Variants in SORCS1 observed in about 807,000 individuals in gnomAD.
SORCS1 encodes sortilin related VPS10 domain containing receptor 1, also known as VPS10 domain-containing receptor SorCS1.
SORCS1 carries 60 observed loss-of-function variants against 146.1 expected under a neutral mutation model. That is an observed-to-expected ratio of 0.41 (90% CI 0.33 to 0.51). The LOEUF is 0.51. Ranked by LOEUF, SORCS1 falls within the 20% of genes least tolerant of loss-of-function variation. The probability of loss-of-function intolerance (pLI) is 0.21; values close to 1 mark genes in which losing one functional copy is unlikely to be tolerated. For missense variants in SORCS1, 1,352 were observed against 1,487.6 expected (o/e 0.91, Z 1.50); for synonymous variants, 637 against 584.0 (o/e 1.09, Z -1.31).
rs191100821 is a variant in SORCS1 at position 106,576,010 on chromosome 10, G to C, written c.*1410C>G. On this transcript the variant is annotated 3_prime_UTR_variant, in exon 26 of 26. Coordinates refer to ENST00000263054, the MANE Select transcript of SORCS1 (RefSeq NM_052918.5). ...TCGCACGAGATTTTCGTTAAGGTGT[G>C]AGAACACCACAATTCATCTCTATGC... 1 of 152,496 alleles carries C rather than the reference G, an allele frequency of 6.6e-6. No individual in the cohort carries two copies. Among genetic ancestry groups the C allele is most frequent in the Non-Finnish European group, 1.5e-5 (1 of 68,046 alleles). The allele number at this position is 152,496 out of a possible 1,614,324, so 9.4% of individuals were successfully genotyped here. A position where few individuals can be genotyped will look rare whatever the true frequency, so the allele number is the denominator to read the frequency against.
rs368775947 is a variant in SORCS1, at chr10:106,748,080, T to C, written c.959+13508A>G. ...ATCTTGTACATCAGTAGGTATCTTA[T>C]GATTGTTCAAATGTTATACAGGCAT... On this transcript the variant is annotated intron_variant, in intron 5 of 25. Coordinates refer to ENST00000263054, the MANE Select transcript of SORCS1 (RefSeq NM_052918.5). Among the ~76,000 whole-genome samples the C allele has an allele frequency of 4.3e-3, 651 of 152,360 alleles. 6 individuals are homozygous for C. The highest frequency in any genetic ancestry group is 0.015 in the African/African-American group (616 of 41,578).
chr10:107,100,489 G>A (rs1378460320), intron 1 of SORCS1, among the ~76,000 whole-genome samples: 1 of 151,414 alleles, frequency 6.6e-6, no homozygotes. Context: ...ACTCCAGCCT[G>A]GGCAACAGAG....
intron 2 of SORCS1, among the ~76,000 whole-genome samples, chr10:106,904,502 G>A (rs993900085): frequency 1.3e-5 from 2 of 152,180 alleles, no homozygotes; most frequent in Non-Finnish European, 2.9e-5. Flanking sequence ...GGTGTGTGAG[G>A]ATTGTAGAGG....
intron 22 of SORCS1, among the ~76,000 whole-genome samples, chr10:106,609,556 A>G (rs898273165): frequency 4.6e-5 from 7 of 152,190 alleles, no homozygotes; most frequent in Admixed American, 2.0e-4. Flanking sequence ...GTCAGTGCAA[A>G]TTGCTAGGAA....
chr10:106,895,340 G>A (rs1394181042), intron 2 of SORCS1, among the ~76,000 whole-genome samples: 2 of 152,180 alleles, frequency 1.3e-5, no homozygotes, highest in Non-Finnish European at 2.9e-5. Flanking sequence ...ACCAGGTGTG[G>A]TGACTCATGC....
intron 3 of SORCS1, among the ~76,000 whole-genome samples, chr10:106,786,819 TC>T (rs1484189189): frequency 6.6e-6 from 1 of 152,206 alleles, no homozygotes; most frequent in Non-Finnish European, 1.5e-5. Flanking sequence ...TAAAATGTCC[TC>T]ATAATCATAG....
At chr10:106,643,553 T>C (rs759736927) in intron 18 of SORCS1, among the ~76,000 whole-genome samples, 6 of 152,268 alleles carry the variant, frequency 3.9e-5, no homozygotes, top group Non-Finnish European at 8.8e-5. Flanking sequence ...CTTGGTGCTC[T>C]GCACCAGGAG....
At chr10:106,679,383 AATGGACT>A (rs767676581) in intron 11 of SORCS1, 51 bp from the exon 12 acceptor site, 11 of 1,435,516 alleles carry the variant, frequency 7.7e-6, no homozygotes, top group Non-Finnish European at 1.1e-5. Context: ...CAAAAGCAAC[AATGGACT>A]ATATTGGCAG....
At chr10:106,946,176 C>A (rs895061377) in intron 2 of SORCS1, among the ~76,000 whole-genome samples, 25 of 151,560 alleles carry the variant, frequency 1.6e-4, no homozygotes, top group Non-Finnish European at 2.9e-5. Context: ...ATAGGCCTGG[C>A]TTTCAGTGAC....
At chr10:106,641,728 A>T (rs1207220241) in intron 18 of SORCS1, among the ~76,000 whole-genome samples, 1 of 152,176 alleles carries the variant, frequency 6.6e-6, no homozygotes, top group Non-Finnish European at 1.5e-5. Flanking sequence ...CCTTAAAGAT[A>T]TGTATAGTTT....
intron 5 of SORCS1, among the ~76,000 whole-genome samples, chr10:106,751,203 T>C (rs1858207833): frequency 6.6e-6 from 1 of 151,608 alleles, no homozygotes; most frequent in Non-Finnish European, 1.5e-5. Context: ...AATTTTCTTA[T>C]CTAGCACTCC....
At chr10:106,820,446 G>A (rs1947964149) in intron 3 of SORCS1, among the ~76,000 whole-genome samples, 1 of 152,124 alleles carries the variant, frequency 6.6e-6, no homozygotes, top group African/African-American at 2.4e-5. Context: ...AGGAACAAAG[G>A]GACAAAACCA....
chr10:106,818,132 C>A (rs75258529), intron 3 of SORCS1, among the ~76,000 whole-genome samples: 2,619 of 152,260 alleles, frequency 0.017, 100 homozygotes, highest in African/African-American at 0.06. Context: ...GTCAATTAAT[C>A]TCTTCTTAAT....
At position 106,850,549 on chromosome 10, in the gene SORCS1, C is replaced by T. The variant is rs143029372; in HGVS notation, c.627-20876G>A. On this transcript the variant is annotated intron_variant, in intron 2 of 25. Coordinates refer to ENST00000263054, the MANE Select transcript of SORCS1 (RefSeq NM_052918.5). ...AAATGCAGAAATCACCCGTCTTCTG[C>T]GTTGCTCACGCTGGGAGCTGTAGAC... Among the ~76,000 whole-genome samples the T allele has an allele frequency of 5.7e-3, 861 of 152,258 alleles. 15 individuals carry two copies. Among genetic ancestry groups the T allele is most frequent in the African/African-American group, 0.02 (821 of 41,550 alleles).
rs554003490 is a variant in SORCS1, at chr10:107,057,703, T to C, written c.559-101123A>G. Among the ~76,000 whole-genome samples the C allele has an allele frequency of 2.0e-5, 3 of 152,384 alleles. No individual in the cohort carries two copies. In the East Asian group the frequency reaches 5.8e-4, roughly 29 times the overall value. On this transcript the variant is annotated intron_variant, in intron 1 of 25. Transcript: ENST00000263054. ...CATTATTTGATTTGCCGAGCATTTT[T>C]GTTGCTGTTGATGGAAAAAGAACAC... is the stretch of plus-strand genomic sequence containing the variant.
intron 1 of SORCS1, among the ~76,000 whole-genome samples, chr10:107,013,050 C>T (rs760207077): frequency 2.0e-5 from 3 of 152,056 alleles, no homozygotes; most frequent in Non-Finnish European, 4.4e-5. Context: ...TCCTTAAGGT[C>T]GAGGAAACAG....
At chr10:107,136,816 C>A (rs1967341551) in intron 1 of SORCS1, among the ~76,000 whole-genome samples, 1 of 152,024 alleles carries the variant, frequency 6.6e-6, no homozygotes, top group Non-Finnish European at 1.5e-5. Context: ...GTAGCTAATT[C>A]GGTCTACACT....
chr10:107,171,074 C>T, the SORCS1 span, among the ~76,000 whole-genome samples: 1 of 152,238 alleles, frequency 6.6e-6, no homozygotes, highest in South Asian at 2.1e-4. Context: ...ACACTCAATA[C>T]ATGTTAGCTG....
intron 1 of SORCS1, among the ~76,000 whole-genome samples, chr10:107,056,083 G>A (rs1198268952): frequency 6.6e-6 from 1 of 152,176 alleles, no homozygotes; most frequent in Non-Finnish European, 1.5e-5. Context: ...GTTGTAGAAT[G>A]AGCTGCTTGT....
Sources: allele counts gnomAD v4.1 joint callset (sites outside exome capture counted in the v4.1 genomes callset), GRCh38; gene constraint gnomAD v4.1.1; transcripts MANE v1.5; gene names NCBI Gene and HGNC (gene_info 2026-07-23, HGNC 2026-07-21).